The following RMC1 variants were observed in gnomAD, a reference collection of about 807,000 sequenced individuals.
The protein encoded by RMC1 is regulator of MON1-CCZ1 complex.
In RMC1, 44 loss-of-function variants were observed where a neutral mutation model predicts 95.5. The observed-to-expected ratio is 0.46, with a 90% confidence interval of 0.36 to 0.59. RMC1 has a LOEUF of 0.59. Ranked by LOEUF, RMC1 falls within the 20% of genes least tolerant of loss-of-function variation. The pLI is 0.00. For synonymous variants in RMC1, 320 were observed against 303.6 expected, an observed-to-expected ratio of 1.05 and a Z score of -0.56; for missense variants, 705 against 819.6, an observed-to-expected ratio of 0.86 and a Z score of 1.71.
chr18:23,512,054 T>TC (rs1194363897), intron 5 of RMC1, among the ~76,000 whole-genome samples: 1 of 136,990 alleles, frequency 7.3e-6, no homozygotes, highest in Non-Finnish European at 1.5e-5. Flanking sequence ...AGAGTCTCAC[T>TC]CCGTCGCCCA....
Position 23,530,278 on chromosome 18 carries a change from T to TATC in RMC1, c.1650_1652dup (p.Ser551dup). 1 of 1,614,250 alleles carries TATC rather than the reference T, an allele frequency of 6.2e-7. No individual in the cohort carries two copies. The highest frequency in any genetic ancestry group is 8.5e-7 in the Non-Finnish European group (1 of 1,180,038). ...AGTTTCTATCCTCCTGCTCATCAGC[T>TATC]ATCTCTGGACATGCTGAAGGTAACT... is the stretch of plus-strand genomic sequence containing the variant. On this transcript the variant is annotated inframe_insertion, in exon 18 of 20. Transcript: ENST00000269221.
In RMC1 at chr18:23,529,241, G is replaced by A. The variant is rs770542539; in HGVS notation, c.1359G>A (p.Ala453=). The change falls in exon 15 of 20, where the codon GCG becomes GCA. Residue 453 remains alanine (A), a synonymous_variant. Transcript: ENST00000269221. ...TCAAGAGGCCGGTGCGGACCCAGGCGGTGCTGGACCAGTCAGATGTGTACA... is the reference window on the plus strand; with the variant it reads ...TCAAGAGGCCGGTGCGGACCCAGGCAGTGCTGGACCAGTCAGATGTGTACA... ...PLLKRPVRTQ[A]VLDQSDVYTH... 12 of 1,613,916 alleles carry A rather than the reference G, an allele frequency of 7.4e-6. No homozygotes were observed. Among genetic ancestry groups the A allele is most frequent in the Admixed American group, 3.3e-5 (2 of 59,988 alleles).
In RMC1 at chr18:23,503,552, CCA is replaced by C. The variant is rs539619699; in HGVS notation, c.-65_-64del. ...CCGCCGCTACAGTCCGGGCCGGGCT[CCA>C]CCGCGCATCCTGCTCCACTCTGGCG... On this transcript the variant is annotated 5_prime_UTR_variant, in exon 1 of 20. Coordinates refer to ENST00000269221, the MANE Select transcript of RMC1 (RefSeq NM_013326.5). 1 of 1,213,228 alleles carries C rather than the reference CCA, an allele frequency of 8.2e-7. No individual in the cohort carries two copies. The highest frequency in any genetic ancestry group is 1.5e-5 in the South Asian group (1 of 65,032). The allele number at this position is 1,213,228 out of a possible 1,614,324, so 75.2% of individuals were successfully genotyped here.
chr18:23,526,516 T>G, intron 12 of RMC1, 121 bp from the exon 13 acceptor site: 1 of 1,182,596 alleles, frequency 8.5e-7, no homozygotes, highest in Non-Finnish European at 1.2e-6. Context: ...CTACACTGAC[T>G]GTACTTTGCG....
rs1427958362 is a variant in RMC1 at position 23,529,281 on chromosome 18, G to C, written c.1399G>C (p.Ala467Pro). 1.2e-6 allele frequency: 2 copies of C among 1,612,800 alleles called. No homozygotes were observed. Among genetic ancestry groups the C allele is most frequent in the South Asian group, 1.1e-5 (1 of 90,850 alleles). Residue 467 changes from alanine to proline, a missense_variant, in exon 15 of 20, where the codon GCC becomes CCC. Ala to Pro is a conservative substitution (Grantham distance 27). Coordinates refer to ENST00000269221, the MANE Select transcript of RMC1 (RefSeq NM_013326.5). ...AGATGTGTACACCCATGTCCTGTCAGCCTTTGTGGAAAAGAAGGTGGGCTG... is the reference window on the plus strand; with the variant it reads ...AGATGTGTACACCCATGTCCTGTCACCCTTTGTGGAAAAGAAGGTGGGCTG... ...QSDVYTHVLS[A>P]FVEKKEMPHK...
At chr18:23,506,639 T>G in intron 2 of RMC1, 1 of 260,084 alleles carries the variant, frequency 3.8e-6, no homozygotes. Flanking sequence ...TTCCAGAAGC[T>G]TTGCTGTGAG....
chr18:23,523,913 T>C (rs2058217699), intron 10 of RMC1, among the ~76,000 whole-genome samples: 1 of 152,198 alleles, frequency 6.6e-6, no homozygotes, highest in Non-Finnish European at 1.5e-5. Flanking sequence ...TTGACATGCT[T>C]TCTTTTTCTT....
chr18:23,525,420 T>A (rs769252151), intron 12 of RMC1, among the ~76,000 whole-genome samples: 134 of 151,766 alleles, frequency 8.8e-4, no homozygotes, highest in Admixed American at 1.9e-3. Flanking sequence ...GTTAATTTAT[T>A]ATAATAATAA....
intron 9 of RMC1, among the ~76,000 whole-genome samples, chr18:23,519,435 T>C (rs1460631372): frequency 6.6e-6 from 1 of 152,070 alleles, no homozygotes; most frequent in Non-Finnish European, 1.5e-5. Flanking sequence ...GGAGGATGGC[T>C]TGAGCCCAGG....
intron 9 of RMC1, among the ~76,000 whole-genome samples, chr18:23,519,382 G>A (rs956912730): frequency 9.9e-5 from 15 of 152,146 alleles, no homozygotes; most frequent in African/African-American, 3.4e-4. Flanking sequence ...GCCGGGCGTG[G>A]TAGTGCACGC....
intron 2 of RMC1, among the ~76,000 whole-genome samples, chr18:23,505,855 G>T (rs568596672): frequency 1.3e-5 from 2 of 152,094 alleles, no homozygotes; most frequent in African/African-American, 4.8e-5. Context: ...TGGGGGGAAG[G>T]TACTGAATTT....
In RMC1 at chr18:23,503,544, G is replaced by C. The variant is rs1045023481; in HGVS notation, c.-75G>C. ...AGCCGCAGCCGCCGCTACAGTCCGGGCCGGGCTCCACCGCGCATCCTGCTC... is the reference window on the plus strand; with the variant it reads ...AGCCGCAGCCGCCGCTACAGTCCGGCCCGGGCTCCACCGCGCATCCTGCTC... On this transcript the variant is annotated 5_prime_UTR_variant, in exon 1 of 20. Coordinates refer to ENST00000269221, the MANE Select transcript of RMC1 (RefSeq NM_013326.5). 1 of 1,106,230 alleles carries C rather than the reference G, an allele frequency of 9.0e-7. No individual in the cohort carries two copies. The highest frequency in any genetic ancestry group is 1.2e-6 in the Non-Finnish European group (1 of 815,498). The allele number at this position is 1,106,230 out of a possible 1,614,324, so 68.5% of individuals were successfully genotyped here. A position where few individuals can be genotyped will look rare whatever the true frequency, so the allele number is the denominator to read the frequency against.
intron 5 of RMC1, among the ~76,000 whole-genome samples, chr18:23,512,163 G>A (rs902524871): frequency 5.9e-5 from 9 of 151,944 alleles, no homozygotes; most frequent in Non-Finnish European, 1.0e-4. Context: ...TGGGTCTACA[G>A]GCGCCCAGCA....
intron 5 of RMC1, among the ~76,000 whole-genome samples, chr18:23,514,290 C>T (rs1190764187): frequency 2.6e-5 from 4 of 152,088 alleles, no homozygotes; most frequent in Non-Finnish European, 5.9e-5. Context: ...CCGAGGTGGG[C>T]GATCATCTGA....
chr18:23,520,355 C>T, intron 10 of RMC1, 42 bp downstream of exon 10: 3 of 1,476,856 alleles, frequency 2.0e-6, no homozygotes, highest in East Asian at 2.3e-5. Context: ...GCCCTTTCAC[C>T]ATGTGGCTGT....
At chr18:23,529,743 A>C (rs760162532) in intron 16 of RMC1, 31 bp downstream of exon 16, 1 of 1,578,428 alleles carries the variant, frequency 6.3e-7, no homozygotes, top group African/African-American at 1.4e-5. Flanking sequence ...CCCAAGTTAA[A>C]ACAGAAGGAA....
At chr18:23,518,572 A>T (rs1415063311) in intron 7 of RMC1, among the ~76,000 whole-genome samples, 1 of 152,224 alleles carries the variant, frequency 6.6e-6, no homozygotes, top group African/African-American at 2.4e-5. Flanking sequence ...AACTTGGAAA[A>T]CAGAGAAGAA....
intron 10 of RMC1, chr18:23,523,005 A>G (rs2058184684): frequency 6.6e-6 from 1 of 152,262 alleles, no homozygotes; most frequent in Admixed American, 6.5e-5. Context: ...ATCTGACTAC[A>G]TATTAGGATC....
intron 5 of RMC1, among the ~76,000 whole-genome samples, chr18:23,514,409 T>G (rs985131559): frequency 2.0e-5 from 3 of 152,126 alleles, no homozygotes; most frequent in African/African-American, 4.8e-5. Context: ...ATACAAAAAT[T>G]AGCTGGGTGT....
Sources: allele counts gnomAD v4.1 joint callset (sites outside exome capture counted in the v4.1 genomes callset), GRCh38; gene constraint gnomAD v4.1.1; transcripts MANE v1.5; gene names NCBI Gene and HGNC (gene_info 2026-07-23, HGNC 2026-07-21).